Variants in ISCA1 observed in about 807,000 individuals in gnomAD.
ISCA1 encodes iron-sulfur cluster assembly 1 homolog, mitochondrial.
In ISCA1, 9 loss-of-function variants were observed where a neutral mutation model predicts 14.7. The observed-to-expected ratio is 0.61, with a 90% confidence interval of 0.37 to 1.07. The LOEUF (loss-of-function observed/expected upper bound fraction) is 1.07. ISCA1 is among the 50% of genes least tolerant of loss of function. The probability of loss-of-function intolerance (pLI) is 0.01; values close to 1 mark genes in which losing one functional copy is unlikely to be tolerated. For missense variants in ISCA1, 102 were observed against 150.1 expected, an observed-to-expected ratio of 0.68 and a Z score of 1.67; for synonymous variants, 38 against 54.3, an observed-to-expected ratio of 0.70 and a Z score of 1.32.
In ISCA1 at chr9:86,272,120, AGAAGT is replaced by A; in HGVS notation, c.136-13_136-9del. ...ACCAACTTTTACACCTACCTGAAAA[AGAAGT>A]GAAAATATAAACTTGGTTTTAAAGT... On this transcript the variant is annotated splice_polypyrimidine_tract_variant and intron_variant, in intron 2 of 3. Transcript: ENST00000375991. 2 of 1,518,426 alleles carry A rather than the reference AGAAGT, an allele frequency of 1.3e-6. No homozygotes were observed. Among genetic ancestry groups the A allele is most frequent in the Non-Finnish European group, 1.8e-6 (2 of 1,094,320 alleles). The allele number at this position is 1,518,426 out of a possible 1,614,324, so 94.1% of individuals were successfully genotyped here.
intron 3 of ISCA1, among the ~76,000 whole-genome samples, chr9:86,266,693 T>C (rs1467220896): frequency 6.6e-6 from 1 of 152,086 alleles, no homozygotes; most frequent in Non-Finnish European, 1.5e-5. Context: ...TATTCCCTAG[T>C]AATTACACAG....
At chr9:86,281,271 C>T (rs962283668) in intron 1 of ISCA1, among the ~76,000 whole-genome samples, 3 of 152,102 alleles carry the variant, frequency 2.0e-5, no homozygotes, top group African/African-American at 7.2e-5. Flanking sequence ...ATATCAAAGG[C>T]CTAAAAAATT....
intron 1 of ISCA1, among the ~76,000 whole-genome samples, chr9:86,274,471 T>G (rs1213542684): frequency 1.3e-5 from 2 of 152,182 alleles, no homozygotes; most frequent in Non-Finnish European, 2.9e-5. Flanking sequence ...ATCTTGCTCC[T>G]CAGTCCAGGT....
At chr9:86,268,526 G>A (rs1350648379) in intron 3 of ISCA1, among the ~76,000 whole-genome samples, 1 of 151,080 alleles carries the variant, frequency 6.6e-6, no homozygotes, top group African/African-American at 2.4e-5. Context: ...AAGACTAAGT[G>A]TACAAGGTTT....
chr9:86,270,791 T>C (rs1398860807), intron 3 of ISCA1, among the ~76,000 whole-genome samples: 1 of 149,944 alleles, frequency 6.7e-6, no homozygotes, highest in Non-Finnish European at 1.5e-5. Flanking sequence ...ATGTCCTTTG[T>C]AGGGACATGG....
intron 1 of ISCA1, among the ~76,000 whole-genome samples, chr9:86,278,538 C>CATGT (rs1825469801): frequency 1.3e-5 from 2 of 152,036 alleles, no homozygotes; most frequent in African/African-American, 4.8e-5. Context: ...GTCAAGGTGA[C>CATGT]ATGTGCCTGT....
intron 2 of ISCA1, among the ~76,000 whole-genome samples, chr9:86,273,744 C>A (rs1047301574): frequency 6.6e-6 from 1 of 152,112 alleles, no homozygotes; most frequent in African/African-American, 2.4e-5. Flanking sequence ...ACTCACCATA[C>A]TTTTACTCTA....
chr9:86,275,656 G>A (rs568711036), intron 1 of ISCA1, among the ~76,000 whole-genome samples: 43 of 152,250 alleles, frequency 2.8e-4, no homozygotes, highest in Non-Finnish European at 5.3e-4. Context: ...TTAATATATA[G>A]TATCTGTGTA....
chr9:86,270,864 G>A (rs1303555534), intron 3 of ISCA1, among the ~76,000 whole-genome samples: 1 of 145,618 alleles, frequency 6.9e-6, no homozygotes, highest in Non-Finnish European at 1.5e-5. Context: ...AACACCACAT[G>A]TTCTCACTCA....
intron 1 of ISCA1, among the ~76,000 whole-genome samples, chr9:86,274,454 C>A (rs546879311): frequency 3.3e-5 from 5 of 152,242 alleles, no homozygotes; most frequent in Non-Finnish European, 5.9e-5. Flanking sequence ...CTAGCAACAT[C>A]CTTTTAATCT....
intron 1 of ISCA1, 99 bp downstream of exon 1, chr9:86,282,279 C>A (rs1056247303): frequency 8.3e-6 from 11 of 1,319,990 alleles, no homozygotes; most frequent in Admixed American, 2.6e-5. Context: ...CTGACGTGTC[C>A]GCGTCCCTGC....
intron 1 of ISCA1, among the ~76,000 whole-genome samples, chr9:86,274,970 G>A (rs748366088): frequency 5.9e-5 from 9 of 152,192 alleles, no homozygotes; most frequent in Non-Finnish European, 8.8e-5. Flanking sequence ...CACAGTTTGT[G>A]TGAAATAGGT....
intron 1 of ISCA1, among the ~76,000 whole-genome samples, chr9:86,280,356 CG>C (rs1189681899): frequency 7.2e-5 from 11 of 151,894 alleles, no homozygotes; most frequent in Non-Finnish European, 1.5e-4. Context: ...GAGGCTGAGA[CG>C]AGTGGATCAC....
chr9:86,274,672 A>T (rs1393990792), intron 1 of ISCA1, among the ~76,000 whole-genome samples: 1 of 151,922 alleles, frequency 6.6e-6, no homozygotes, highest in South Asian at 2.1e-4. Context: ...TTGATTATTA[A>T]TCCTACTGCT....
chr9:86,275,017 G>A (rs1206397755), intron 1 of ISCA1, among the ~76,000 whole-genome samples: 1 of 152,190 alleles, frequency 6.6e-6, no homozygotes, highest in Admixed American at 6.5e-5. Flanking sequence ...GAAGGAGACT[G>A]TTCCCCGACA....
chr9:86,278,256 CAG>C (rs1825466584), intron 1 of ISCA1, among the ~76,000 whole-genome samples: 1 of 152,168 alleles, frequency 6.6e-6, no homozygotes, highest in East Asian at 1.9e-4. Flanking sequence ...CATTCTTTAA[CAG>C]CCATGGCTGG....
intron 1 of ISCA1, 105 bp downstream of exon 1, chr9:86,282,273 C>T (rs937442242): frequency 1.6e-6 from 2 of 1,259,606 alleles, no homozygotes; most frequent in Non-Finnish European, 2.2e-6. Context: ...CGAGGTCTGA[C>T]GTGTCCGCGT....
chr9:86,268,721 A>G (rs1825325124), intron 3 of ISCA1, among the ~76,000 whole-genome samples: 2 of 151,442 alleles, frequency 1.3e-5, no homozygotes, highest in Admixed American at 1.3e-4. Context: ...TTTTTTTAAG[A>G]GATGGAGGTC....
At chr9:86,280,036 G>C (rs1825490530) in intron 1 of ISCA1, among the ~76,000 whole-genome samples, 1 of 152,206 alleles carries the variant, frequency 6.6e-6, no homozygotes, top group Admixed American at 6.5e-5. Flanking sequence ...CAAAACAGCT[G>C]AGTCAGGCAA....
Sources: gnomAD v4.1 joint callset for allele counts (sites outside exome capture counted in the v4.1 genomes callset) on GRCh38, gnomAD v4.1.1 for gene constraint, MANE v1.5 for transcripts, NCBI Gene and HGNC (gene_info 2026-07-23, HGNC 2026-07-21) for gene names.